Variants in LPGAT1 observed in about 807,000 individuals in gnomAD.
LPGAT1 encodes lysophosphatidylglycerol acyltransferase 1.
In LPGAT1, 11 loss-of-function variants were observed where a neutral mutation model predicts 47.5. The observed-to-expected ratio is 0.23, with a 90% CI of 0.15 to 0.38. The LOEUF is 0.38. Ranked by LOEUF, LPGAT1 falls within the 10% of genes least tolerant of loss-of-function variation. LPGAT1 has a pLI of 1.00. For synonymous variants in LPGAT1, 138 were observed against 144.2 expected, an observed-to-expected ratio of 0.96 and a Z score of 0.31; for missense variants, 293 against 439.0, an observed-to-expected ratio of 0.67 and a Z score of 2.97.
At chr1:211,796,151 G>T (rs1659342617) in intron 2 of LPGAT1, among the ~76,000 whole-genome samples, 1 of 151,954 alleles carries the variant, frequency 6.6e-6, no homozygotes, top group African/African-American at 2.4e-5. Flanking sequence ...TTACCTGTTT[G>T]CTTTATATAA....
intron 2 of LPGAT1, among the ~76,000 whole-genome samples, chr1:211,814,840 A>C (rs1028497531): frequency 7.2e-5 from 11 of 152,108 alleles, no homozygotes; most frequent in Admixed American, 5.2e-4. Context: ...ATCTAGTTAC[A>C]CTTCTACCAC....
chr1:211,811,979 A>G (rs1231423481), intron 2 of LPGAT1, among the ~76,000 whole-genome samples: 2 of 152,242 alleles, frequency 1.3e-5, no homozygotes, highest in Non-Finnish European at 2.9e-5. Context: ...TGCCAGCTCT[A>G]TCACTCACAT....
chr1:211,808,077 A>G (rs1357837360), intron 2 of LPGAT1, among the ~76,000 whole-genome samples: 1 of 151,862 alleles, frequency 6.6e-6, no homozygotes, highest in East Asian at 1.9e-4. Flanking sequence ...GTATATAGAA[A>G]ACTCACGCCT....
chr1:211,764,417 G>C lies in LPGAT1; in HGVS notation c.855-13350C>G, dbSNP rs572130811. Among the ~76,000 whole-genome samples the C allele has an allele frequency of 5.6e-4, 86 of 152,296 alleles. 1 individual carries two copies. The highest frequency in any genetic ancestry group is 2.0e-3 in the African/African-American group (84 of 41,562). On this transcript the variant is annotated intron_variant, in intron 6 of 7. Transcript: ENST00000366997. ...AAAACTTTATGTGGTGTCATCTGTA[G>C]ACAATCATCAATGTTCATGGACACT...
At chr1:211,788,641 C>T (rs185669747) in intron 3 of LPGAT1, among the ~76,000 whole-genome samples, 104 of 151,382 alleles carry the variant, frequency 6.9e-4, no homozygotes, top group African/African-American at 2.4e-3. Context: ...AAGATCGAGC[C>T]GCTGCACTCC....
intron 5 of LPGAT1, among the ~76,000 whole-genome samples, chr1:211,780,748 T>G (rs760281456): frequency 6.6e-6 from 1 of 152,054 alleles, no homozygotes; most frequent in Non-Finnish European, 1.5e-5. Flanking sequence ...TGTTTAGGAG[T>G]AAAGTATACT....
intron 5 of LPGAT1, among the ~76,000 whole-genome samples, chr1:211,782,377 G>T (rs73086199): frequency 6.6e-6 from 1 of 152,124 alleles, no homozygotes; most frequent in Non-Finnish European, 1.5e-5. Context: ...GAATAACTGA[G>T]TCATTTATTA....
At chr1:211,823,196 A>C (rs776913946) in intron 2 of LPGAT1, among the ~76,000 whole-genome samples, 8 of 152,150 alleles carry the variant, frequency 5.3e-5, no homozygotes, top group Non-Finnish European at 1.2e-4. Context: ...TAACTGTGAA[A>C]CCTCTTTCAA....
chr1:211,826,101 TC>T (rs35587196), intron 2 of LPGAT1, among the ~76,000 whole-genome samples: 12,688 of 152,244 alleles, frequency 0.083, 644 homozygotes, highest in Admixed American at 0.15. Context: ...CCCTTTTCCA[TC>T]TTCTGTGCCT....
intron 2 of LPGAT1, among the ~76,000 whole-genome samples, chr1:211,815,592 T>C (rs185029059): frequency 4.6e-5 from 7 of 152,154 alleles, no homozygotes; most frequent in Admixed American, 3.9e-4. Context: ...ATCATTCCCT[T>C]ACTTAAAACT....
intron 6 of LPGAT1, among the ~76,000 whole-genome samples, chr1:211,754,022 G>A (rs1293927717): frequency 1.3e-5 from 2 of 152,324 alleles, no homozygotes; most frequent in East Asian, 3.9e-4. Flanking sequence ...CCGGTAGCCA[G>A]TGAGATAAGA....
At chr1:211,774,326 G>A (rs4951551) in intron 6 of LPGAT1, among the ~76,000 whole-genome samples, 150,227 of 151,776 alleles carry the variant, frequency 0.99, 74,349 homozygotes, top group East Asian at 1. Flanking sequence ...CATGTTGGCC[G>A]GGCTGATCTT....
intron 3 of LPGAT1, among the ~76,000 whole-genome samples, chr1:211,788,855 T>C (rs1286046111): frequency 2.0e-5 from 3 of 152,098 alleles, no homozygotes; most frequent in Admixed American, 6.6e-5. Context: ...GAACAGTAGA[T>C]GTAAACATCA....
intron 4 of LPGAT1, among the ~76,000 whole-genome samples, chr1:211,786,844 AAAGT>A (rs1658898135): frequency 1.3e-5 from 2 of 152,206 alleles, no homozygotes; most frequent in South Asian, 4.1e-4. Flanking sequence ...CTTGTAAATA[AAAGT>A]AATAGTGATA....
intron 2 of LPGAT1, among the ~76,000 whole-genome samples, chr1:211,805,115 G>GAAAA (rs34306984): frequency 2.0e-5 from 3 of 147,258 alleles, no homozygotes; most frequent in Middle Eastern, 3.2e-3. Flanking sequence ...TCAATGAAAT[G>GAAAA]AAAAAAAAAA....
At chr1:211,828,338 C>T (rs932302467) in intron 2 of LPGAT1, among the ~76,000 whole-genome samples, 3 of 152,146 alleles carry the variant, frequency 2.0e-5, no homozygotes, top group African/African-American at 7.2e-5. Flanking sequence ...GTTCTCAAAG[C>T]ATATAAGGTT....
At chr1:211,829,030 G>T (rs1172729199) in intron 2 of LPGAT1, 29 bp downstream of exon 2, 2 of 1,601,992 alleles carry the variant, frequency 1.2e-6, no homozygotes, top group African/African-American at 1.3e-5. Context: ...TTTTTCTTAT[G>T]CATTAAAGAA....
At chr1:211,790,296 T>C (rs988741254) in intron 3 of LPGAT1, among the ~76,000 whole-genome samples, 7 of 152,092 alleles carry the variant, frequency 4.6e-5, no homozygotes, top group Non-Finnish European at 8.8e-5. Context: ...AGCAACACTG[T>C]TGTCCTATTA....
intron 2 of LPGAT1, among the ~76,000 whole-genome samples, chr1:211,820,307 G>A (rs1660324703): frequency 1.3e-5 from 2 of 152,152 alleles, no homozygotes; most frequent in Admixed American, 1.3e-4. Flanking sequence ...GCATGGTACT[G>A]ACTGAGAGAT....
Sources: allele counts gnomAD v4.1 joint callset (sites outside exome capture counted in the v4.1 genomes callset), GRCh38; gene constraint gnomAD v4.1.1; transcripts MANE v1.5; gene names NCBI Gene and HGNC (gene_info 2026-07-23, HGNC 2026-07-21).